The following PCDHA3 variants were observed in gnomAD, a reference collection of about 807,000 sequenced individuals.
PCDHA3 encodes the protein protocadherin alpha-3.
In PCDHA3, 41 loss-of-function variants were observed where a neutral mutation model predicts 62.2. That is an observed-to-expected ratio of 0.66 (90% CI 0.51 to 0.86). The LOEUF is 0.86. PCDHA3 is among the 40% of genes least tolerant of loss of function. The pLI is 0.00. For missense variants in PCDHA3, 1,304 were observed against 1,241.2 expected (o/e 1.05, Z -0.76); for synonymous variants, 640 against 555.4 (o/e 1.15, Z -2.14).
chr5:140,849,910 G>A, intron 1 of PCDHA3: 1 of 1,598,272 alleles, frequency 6.3e-7, no homozygotes. Flanking sequence ...CCGCCGGGCT[G>A]CCACATCTTC....
intron 1 of PCDHA3, among the ~76,000 whole-genome samples, chr5:140,827,341 T>C (rs1438328156): frequency 6.6e-6 from 1 of 152,148 alleles, no homozygotes; most frequent in Non-Finnish European, 1.5e-5. Flanking sequence ...TGGTGAAGTA[T>C]ATGAAAAGAA....
chr5:141,009,809 G>T lies in PCDHA3; in HGVS notation c.2725G>T (p.Asp909Tyr), dbSNP rs782057926. The T allele has an allele frequency of 6.2e-7, 1 of 1,613,834 alleles. No homozygotes were observed. Among genetic ancestry groups the T allele is most frequent in the Non-Finnish European group, 8.5e-7 (1 of 1,180,010 alleles). ...GCAGGAGCCTACTAACAGCCAAATT[G>T]ACAAAAGTGACTTCATAACCTTCGG... ...IRQEPTNSQI[D>Y]KSDFITFGKK... The change falls in exon 4 of 4, where the codon GAC becomes TAC. Residue 909 changes from aspartate to tyrosine, a missense_variant. Physicochemically the swap from Asp to Tyr is radical, Grantham distance 160 (BLOSUM62 -3). Coordinates refer to ENST00000522353, the MANE Select transcript of PCDHA3 (RefSeq NM_018906.3).
In PCDHA3 at chr5:141,010,049, C is replaced by G. The variant is rs1554262651; in HGVS notation, c.*112C>G. 7 of 1,597,692 alleles carry G rather than the reference C, an allele frequency of 4.4e-6. No individual in the cohort carries two copies. The highest frequency in any genetic ancestry group is 1.3e-5 in the African/African-American group (1 of 74,172). On this transcript the variant is annotated 3_prime_UTR_variant, in exon 4 of 4. Coordinates refer to ENST00000522353, the MANE Select transcript of PCDHA3 (RefSeq NM_018906.3). ...TATCTACATGAGCCCTCTTAGAGAC[C>G]TCAGAAATCTGCAGAAAGTTCCCTG...
rs556197231 is a variant in PCDHA3, at chr5:140,969,709, A to C, written c.2395-9240A>C. The stretch of plus-strand genomic sequence containing the variant: ...AAATGGCCTCTGCTGTATCATCTAC[A>C]GGGAAATTTTTCTTTTGAAATCCTA... On this transcript the variant is annotated intron_variant, in intron 1 of 3. Transcript: ENST00000522353. Among the ~76,000 whole-genome samples, 11 of 152,304 alleles carry C rather than the reference A, an allele frequency of 7.2e-5. No individual in the cohort carries two copies. The East Asian group carries it at 1.5e-3, about 21-fold the overall frequency.
intron 1 of PCDHA3, chr5:140,877,600 C>G (rs1554169914): frequency 6.2e-7 from 1 of 1,613,878 alleles, no homozygotes; most frequent in Admixed American, 1.7e-5. Context: ...GGTGTCCAGC[C>G]TGCTGGTGCT....
intron 2 of PCDHA3, among the ~76,000 whole-genome samples, chr5:140,979,642 A>G (rs1364696351): frequency 2.0e-5 from 3 of 152,188 alleles, no homozygotes; most frequent in South Asian, 2.1e-4. Flanking sequence ...ATTAAATATA[A>G]TTTTGCTTTC....
intron 1 of PCDHA3, among the ~76,000 whole-genome samples, chr5:140,925,210 C>T (rs1319343041): frequency 2.0e-5 from 3 of 152,122 alleles, no homozygotes; most frequent in African/African-American, 7.2e-5. Context: ...ATTATCGATA[C>T]TTTTAGGCAG....
chr5:140,927,317 G>T (rs782172424), intron 1 of PCDHA3: 3 of 1,614,146 alleles, frequency 1.9e-6, no homozygotes, highest in Admixed American at 1.7e-5. Flanking sequence ...CCCGGAGCCC[G>T]CTTTACTCTC....
At chr5:140,807,013 A>T in intron 1 of PCDHA3, 2 of 781,696 alleles carry the variant, frequency 2.6e-6, no homozygotes, top group South Asian at 1.8e-5. Flanking sequence ...ACCACAAAAT[A>T]CATGAGAGAA....
chr5:140,809,101 C>T (rs781864694), intron 1 of PCDHA3: 13 of 1,613,836 alleles, frequency 8.1e-6, no homozygotes, highest in Non-Finnish European at 1.1e-5. Context: ...GTGCCCTGGA[C>T]GAAACGGACG....
At chr5:140,804,238 G>T (rs6579988) in intron 1 of PCDHA3, 88,854 of 151,772 alleles carry the variant, frequency 0.59, 26,783 homozygotes, top group African/African-American at 0.73. Flanking sequence ...TTTCCCAGTT[G>T]GGAAAAAAAT....
chr5:140,883,147 T>C, intron 1 of PCDHA3: 2 of 1,614,064 alleles, frequency 1.2e-6, no homozygotes, highest in Non-Finnish European at 1.7e-6. Context: ...TATATGCATT[T>C]ACCATAAATC....
chr5:140,986,247 G>A (rs758689038), intron 3 of PCDHA3, among the ~76,000 whole-genome samples: 1 of 152,012 alleles, frequency 6.6e-6, no homozygotes, highest in Non-Finnish European at 1.5e-5. Context: ...GAGCAGACCC[G>A]GACCACAGGC....
intron 1 of PCDHA3, chr5:140,869,536 T>G: frequency 6.2e-7 from 1 of 1,614,170 alleles, no homozygotes; most frequent in Non-Finnish European, 8.5e-7. Flanking sequence ...GATTGCGGAA[T>G]CTAAGCAATC....
At chr5:140,988,860 T>C (rs1270376752) in intron 3 of PCDHA3, 2 of 152,204 alleles carry the variant, frequency 1.3e-5, no homozygotes, top group South Asian at 2.1e-4. Flanking sequence ...TCCAGTCTCA[T>C]GTGCACTCAG....
At chr5:140,879,391 G>A (rs2057973329) in intron 1 of PCDHA3, among the ~76,000 whole-genome samples, 1 of 152,184 alleles carries the variant, frequency 6.6e-6, no homozygotes, top group South Asian at 2.1e-4. Flanking sequence ...TGGAGAAACA[G>A]TTTGTGTGTA....
At chr5:140,944,291 G>A (rs155813) in intron 1 of PCDHA3, among the ~76,000 whole-genome samples, 48,239 of 151,966 alleles carry the variant, frequency 0.32, 8,008 homozygotes, top group East Asian at 0.53. Flanking sequence ...GGGCTCAAGC[G>A]ATCCTCCTAC....
In PCDHA3 at chr5:140,904,839, ATCT is replaced by A. The variant is rs1480252178; in HGVS notation, c.2395-74103_2395-74101del. 4.1e-4 allele frequency among the ~76,000 whole-genome samples: 62 copies of A among 152,040 alleles called. No individual in the cohort carries two copies. The East Asian group carries it at 6.4e-3, about 16-fold the overall frequency. Reference sequence around the variant, plus strand: ...TTGAGCATTTTTTTATATGTTTCATATCTTCTTCTGAGAATTGTCTGTTTATGT... The same window carrying A: ...TTGAGCATTTTTTTATATGTTTCATATCTTCTGAGAATTGTCTGTTTATGT... On this transcript the variant is annotated intron_variant, in intron 1 of 3. Coordinates refer to ENST00000522353, the MANE Select transcript of PCDHA3 (RefSeq NM_018906.3).
intron 1 of PCDHA3, chr5:140,926,614 C>G: frequency 2.6e-6 from 1 of 377,760 alleles, no homozygotes; most frequent in Non-Finnish European, 4.6e-6. Flanking sequence ...TCTCTGCACC[C>G]CTAGGCGGCG....
Sources: allele counts gnomAD v4.1 joint callset (sites outside exome capture counted in the v4.1 genomes callset), GRCh38; gene constraint gnomAD v4.1.1; transcripts MANE v1.5; gene names NCBI Gene and HGNC (gene_info 2026-07-23, HGNC 2026-07-21).